MSRA: variants seen among roughly 807,000 people sequenced by gnomAD.
MSRA encodes the protein mitochondrial peptide methionine sulfoxide reductase.
A neutral mutation model predicts 31.3 loss-of-function variants in MSRA; 54 were observed. The ratio of observed to expected loss-of-function variants is 1.73; its 90% CI spans 1.39 to 2.17. MSRA has a LOEUF of 2.17. Ranked by LOEUF, MSRA falls within the 30% of genes most tolerant of loss-of-function variation. MSRA has a pLI of 0.00. For synonymous variants in MSRA, 169 were observed against 116.5 expected, an observed-to-expected ratio of 1.45 and a Z score of -2.90; for missense variants, 507 against 300.9, an observed-to-expected ratio of 1.69 and a Z score of -5.07.
chr8:10,284,171 A>G (rs1199536442), intron 3 of MSRA, among the ~76,000 whole-genome samples: 1 of 152,050 alleles, frequency 6.6e-6, no homozygotes, highest in Non-Finnish European at 1.5e-5. Context: ...AACTGACTGA[A>G]GAGAGAATGA....
At chr8:10,159,472 C>T (rs1487659384) in intron 1 of MSRA, among the ~76,000 whole-genome samples, 1 of 152,230 alleles carries the variant, frequency 6.6e-6, no homozygotes, top group African/African-American at 2.4e-5. Flanking sequence ...GATATTTGAG[C>T]TTACCTCTTA....
chr8:10,340,481 T>C (rs1803356264), intron 5 of MSRA, among the ~76,000 whole-genome samples: 1 of 152,242 alleles, frequency 6.6e-6, no homozygotes, highest in South Asian at 2.1e-4. Context: ...CAAGTGATTC[T>C]CGTCCTTCAG....
At chr8:10,245,051 C>T in intron 2 of MSRA, 53 bp from the exon 3 acceptor site, 2 of 1,584,178 alleles carry the variant, frequency 1.3e-6, no homozygotes, top group Non-Finnish European at 1.7e-6. Flanking sequence ...TGTGCAATGA[C>T]CACTTTGTTT....
intron 1 of MSRA, among the ~76,000 whole-genome samples, chr8:10,183,558 T>A (rs1437025902): frequency 6.6e-6 from 1 of 152,116 alleles, no homozygotes; most frequent in Non-Finnish European, 1.5e-5. Context: ...CAAAAATGGT[T>A]CAAAATATAG....
At chr8:10,135,439 T>C (rs1802204083) in intron 1 of MSRA, among the ~76,000 whole-genome samples, 1 of 152,242 alleles carries the variant, frequency 6.6e-6, no homozygotes, top group Admixed American at 6.5e-5. Flanking sequence ...GTCATTTTAT[T>C]GTGCTGAAAA....
chr8:10,337,478 C>G, intron 5 of MSRA: 1 of 514,398 alleles, frequency 1.9e-6, no homozygotes, highest in Non-Finnish European at 3.4e-6. Flanking sequence ...CACGCCCGGC[C>G]AAGCCTATGT....
chr8:10,228,709 A>G (rs1162066395), intron 2 of MSRA, among the ~76,000 whole-genome samples: 2 of 152,014 alleles, frequency 1.3e-5, no homozygotes, highest in Admixed American at 6.5e-5. Context: ...GGTTCTATCT[A>G]TGTCTTTGGG....
At position 10,307,821 on chromosome 8, in the gene MSRA, C is replaced by A. The variant is rs140017862; in HGVS notation, c.436+6183C>A. 3.9e-5 allele frequency among the ~76,000 whole-genome samples: 6 copies of A among 152,262 alleles called. No homozygotes were observed. In the East Asian group the frequency reaches 1.2e-3, roughly 29 times the overall value. ...GCTGGTTAACCCCAATATTAGGGTTCCCCCACCTGTGTAGTTTAAGAATTT... is the reference window on the plus strand; with the variant it reads ...GCTGGTTAACCCCAATATTAGGGTTACCCCACCTGTGTAGTTTAAGAATTT... On this transcript the variant is annotated intron_variant, in intron 4 of 5. Transcript: ENST00000317173.
At chr8:10,184,074 TG>T (rs1227106114) in intron 1 of MSRA, among the ~76,000 whole-genome samples, 3 of 151,776 alleles carry the variant, frequency 2.0e-5, no homozygotes, top group Admixed American at 6.6e-5. Context: ...AGTGGTTTTT[TG>T]TTGGTGTTAT....
At chr8:10,401,773 A>AG (rs1315081610) in intron 5 of MSRA, among the ~76,000 whole-genome samples, 3 of 152,224 alleles carry the variant, frequency 2.0e-5, no homozygotes, top group Non-Finnish European at 4.4e-5. Context: ...GCGAACCTTG[A>AG]GGACATCAAG....
At chr8:10,283,222 T>A (rs1025396157) in intron 3 of MSRA, among the ~76,000 whole-genome samples, 2 of 148,864 alleles carry the variant, frequency 1.3e-5, no homozygotes, top group Non-Finnish European at 3.0e-5. Flanking sequence ...CAATACACCA[T>A]GCAAGATGCA....
chr8:10,423,485 G>C (rs1229061916), intron 5 of MSRA, among the ~76,000 whole-genome samples: 1 of 151,790 alleles, frequency 6.6e-6, no homozygotes, highest in Admixed American at 6.5e-5. Context: ...CCCGGTGCCA[G>C]GTTGACCAGT....
At chr8:10,115,836 T>G (rs1444478751) in intron 1 of MSRA, among the ~76,000 whole-genome samples, 3 of 152,256 alleles carry the variant, frequency 2.0e-5, no homozygotes, top group African/African-American at 7.2e-5. Context: ...ACTCAATGAC[T>G]GTTTAATGAA....
intron 5 of MSRA, among the ~76,000 whole-genome samples, chr8:10,385,736 G>C (rs1241225728): frequency 6.8e-6 from 1 of 147,836 alleles, no homozygotes; most frequent in Non-Finnish European, 1.5e-5. Context: ...AGAGCTACCG[G>C]TGTCATAGCC....
chr8:10,270,022 C>A (rs143355127), intron 3 of MSRA, among the ~76,000 whole-genome samples: 150 of 152,188 alleles, frequency 9.9e-4, no homozygotes, highest in African/African-American at 3.3e-3. Flanking sequence ...TTATGAGTGT[C>A]AAAGAAGATA....
chr8:10,260,139 G>A (rs1372663704), intron 3 of MSRA, among the ~76,000 whole-genome samples: 3 of 152,344 alleles, frequency 2.0e-5, no homozygotes, highest in South Asian at 2.1e-4. Flanking sequence ...AGAAGAAGTG[G>A]CAAAGAAAGG....
intron 3 of MSRA, among the ~76,000 whole-genome samples, chr8:10,297,212 C>A (rs1174260667): frequency 1.3e-5 from 2 of 152,142 alleles, no homozygotes; most frequent in Non-Finnish European, 2.9e-5. Flanking sequence ...GATGCTTCGT[C>A]TAATCCAAGG....
chr8:10,377,121 T>C (rs148199528), intron 5 of MSRA, among the ~76,000 whole-genome samples: 102 of 152,372 alleles, frequency 6.7e-4, no homozygotes, highest in African/African-American at 2.3e-3. Context: ...GGGTAGGAGA[T>C]AGTGCTCTGT....
chr8:10,395,217 T>C (rs1159917465), intron 5 of MSRA, among the ~76,000 whole-genome samples: 3 of 152,056 alleles, frequency 2.0e-5, no homozygotes, highest in African/African-American at 7.2e-5. Flanking sequence ...GAAAGATGTG[T>C]AGGGTTTTTA....
Sources: allele counts gnomAD v4.1 joint callset (sites outside exome capture counted in the v4.1 genomes callset), GRCh38; gene constraint gnomAD v4.1.1; transcripts MANE v1.5; gene names NCBI Gene and HGNC (gene_info 2026-07-23, HGNC 2026-07-21).